OSBPL9: variants seen among roughly 807,000 people sequenced by gnomAD.
The protein encoded by OSBPL9 is oxysterol binding protein like 9.
A neutral mutation model predicts 106.6 loss-of-function variants in OSBPL9; 40 were observed. The observed-to-expected ratio is 0.38, with a 90% CI of 0.29 to 0.49. The LOEUF (loss-of-function observed/expected upper bound fraction) is 0.49. OSBPL9 is among the 20% of genes least tolerant of loss of function. OSBPL9 has a pLI of 0.97. For missense variants in OSBPL9, 609 were observed against 887.2 expected (o/e 0.69, Z 3.98); for synonymous variants, 269 against 295.4 (o/e 0.91, Z 0.92).
intron 3 of OSBPL9, among the ~76,000 whole-genome samples, chr1:51,704,637 G>A (rs1658036614): frequency 6.6e-6 from 1 of 152,178 alleles, no homozygotes; most frequent in Non-Finnish European, 1.5e-5. Context: ...TCTGGTGAAA[G>A]CTTTCTTCCA....
chr1:51,585,141 T>G (rs1424692687), intron 1 of OSBPL9, among the ~76,000 whole-genome samples: 1 of 146,788 alleles, frequency 6.8e-6, no homozygotes, highest in Non-Finnish European at 1.5e-5. Context: ...GCCACTGCAC[T>G]CCAAGCCTGG....
chr1:51,556,659 G>A, the OSBPL9 span, among the ~76,000 whole-genome samples: 1 of 152,132 alleles, frequency 6.6e-6, no homozygotes, highest in East Asian at 1.9e-4. Context: ...GGTGGCGGAT[G>A]CCTGTAATCC....
At chr1:51,756,420 T>G in intron 9 of OSBPL9, 62 bp downstream of exon 9, 1 of 1,505,594 alleles carries the variant, frequency 6.6e-7, no homozygotes, top group Non-Finnish European at 9.2e-7. Flanking sequence ...ACCAGTCATA[T>G]CAGGAGAAGC....
chr1:51,762,666 G>A (rs1671771413), intron 11 of OSBPL9, among the ~76,000 whole-genome samples: 1 of 152,134 alleles, frequency 6.6e-6, no homozygotes, highest in African/African-American at 2.4e-5. Flanking sequence ...ACATGTATGT[G>A]CATATACACT....
chr1:51,527,487 T>G, the OSBPL9 span, among the ~76,000 whole-genome samples: 1 of 152,060 alleles, frequency 6.6e-6, no homozygotes, highest in African/African-American at 2.4e-5. Flanking sequence ...CTCAAACTAC[T>G]GGGCTCAGGC....
chr1:51,690,199 A>G (rs1654666278), intron 3 of OSBPL9, among the ~76,000 whole-genome samples: 1 of 152,212 alleles, frequency 6.6e-6, no homozygotes, highest in Non-Finnish European at 1.5e-5. Flanking sequence ...ATTTTTTAGG[A>G]TATATTTACA....
chr1:51,674,773 G>A (rs1366274635), intron 3 of OSBPL9, among the ~76,000 whole-genome samples: 10 of 152,116 alleles, frequency 6.6e-5, no homozygotes, highest in Admixed American at 6.6e-4. Context: ...TTGTGTTGTA[G>A]TTGCCCTCAG....
At chr1:51,706,689 TTA>T (rs147927507) in intron 3 of OSBPL9, among the ~76,000 whole-genome samples, 66 of 148,360 alleles carry the variant, frequency 4.4e-4, no homozygotes, top group African/African-American at 1.2e-3. Flanking sequence ...ATATATGAAT[TTA>T]TATATATATA....
At chr1:51,573,270 A>G (rs1226488335), upstream of OSBPL9, among the ~76,000 whole-genome samples, 1 of 151,498 alleles carries the variant, frequency 6.6e-6, no homozygotes, top group Non-Finnish European at 1.5e-5. Context: ...ACACTTTGGG[A>G]GGCAGAGGCA....
At chr1:51,564,052 CAAAAAA>C in the OSBPL9 span, among the ~76,000 whole-genome samples, 1 of 27,386 alleles carries the variant, frequency 3.7e-5, no homozygotes, top group South Asian at 3.3e-3. Flanking sequence ...GAGATCATCT[CAAAAAA>C]AAAAAAAAAA....
At chr1:51,686,986 T>C (rs559952938) in intron 3 of OSBPL9, among the ~76,000 whole-genome samples, 4 of 152,358 alleles carry the variant, frequency 2.6e-5, no homozygotes, top group African/African-American at 9.6e-5. Context: ...ATGCTGACTC[T>C]ATAAGTGTTG....
rs373238062 is a variant in OSBPL9 at position 51,663,791 on chromosome 1, A to G, written c.163-5643A>G. Among the ~76,000 whole-genome samples the G allele has an allele frequency of 1.5e-3, 230 of 152,370 alleles. 7 individuals are homozygous for G. In the South Asian group the frequency reaches 0.046, roughly 30 times the overall value. On this transcript the variant is annotated intron_variant, in intron 2 of 23. Coordinates refer to ENST00000428468, the MANE Select transcript of OSBPL9 (RefSeq NM_024586.6). ...CCATGATATAGAAAGAACTCCTACAAGTCATTAGAAAAAGATAGTCCAGTC... is the reference window on the plus strand; with the variant it reads ...CCATGATATAGAAAGAACTCCTACAGGTCATTAGAAAAAGATAGTCCAGTC...
At chr1:51,713,799 A>G (rs1660556426) in intron 3 of OSBPL9, among the ~76,000 whole-genome samples, 2 of 152,208 alleles carry the variant, frequency 1.3e-5, no homozygotes, top group Non-Finnish European at 2.9e-5. Flanking sequence ...ATTATTGAAC[A>G]CAATTATTCC....
chr1:51,632,864 C>T (rs1386954116), intron 1 of OSBPL9, among the ~76,000 whole-genome samples: 1 of 152,040 alleles, frequency 6.6e-6, no homozygotes, highest in Admixed American at 6.5e-5. Flanking sequence ...AAATGAAAGT[C>T]ATTTTAACTC....
rs199511029 is a variant in OSBPL9, at chr1:51,758,438, AAC to A, written c.582+2081_582+2082del. Among the ~76,000 whole-genome samples the A allele has an allele frequency of 7.2e-3, 1,092 of 151,802 alleles. 10 individuals are homozygous for A. The highest frequency in any genetic ancestry group is 0.025 in the African/African-American group (1,049 of 41,314). ...TCCTATTTTCAGAAAAAAAAAAAAAAACCTGGTCTATTTTGGGATCCACTTGC... is the reference window on the plus strand; with the variant it reads ...TCCTATTTTCAGAAAAAAAAAAAAAACTGGTCTATTTTGGGATCCACTTGC... On this transcript the variant is annotated intron_variant, in intron 9 of 23. Coordinates refer to ENST00000428468, the MANE Select transcript of OSBPL9 (RefSeq NM_024586.6).
chr1:51,591,056 A>G (rs1461812253), intron 1 of OSBPL9, among the ~76,000 whole-genome samples: 1 of 151,816 alleles, frequency 6.6e-6, no homozygotes, highest in African/African-American at 2.4e-5. Context: ...GTAGCTGGGA[A>G]TACAGGCGCC....
chr1:51,625,175 A>G (rs1644695125), intron 1 of OSBPL9, among the ~76,000 whole-genome samples: 1 of 152,228 alleles, frequency 6.6e-6, no homozygotes, highest in Admixed American at 6.5e-5. Context: ...GTTGTAGCAG[A>G]CAAGCAGTCA....
At chr1:51,781,449 A>G in intron 16 of OSBPL9, 114 bp downstream of exon 16, 4 of 1,083,708 alleles carry the variant, frequency 3.7e-6, no homozygotes, top group Non-Finnish European at 5.3e-6. Context: ...CACCACCCAT[A>G]GAAGAAATTG....
chr1:51,782,675 T>C (rs966682312), intron 17 of OSBPL9, 32 bp downstream of exon 17: 1 of 1,593,008 alleles, frequency 6.3e-7, no homozygotes, highest in Non-Finnish European at 8.6e-7. Context: ...CAACCTGTGC[T>C]CTCAAAACTA....
Sources: gnomAD v4.1 joint callset for allele counts (sites outside exome capture counted in the v4.1 genomes callset) on GRCh38, gnomAD v4.1.1 for gene constraint, MANE v1.5 for transcripts, NCBI Gene and HGNC (gene_info 2026-07-23, HGNC 2026-07-21) for gene names.